The following CDKN2B-AS1 variants were observed in gnomAD, a reference collection of about 807,000 sequenced individuals.
CDKN2B-AS1 encodes CDKN2B and CDKN2A antisense cis and trans regulatory RNA 1, also known as CDKN2B antisense RNA 1 (non-protein coding).
chr9:22,088,250 G>A (rs919782215), intron 4 of CDKN2B-AS1, among the ~76,000 whole-genome samples: 3 of 152,108 alleles, frequency 2.0e-5, no homozygotes, highest in Non-Finnish European at 4.4e-5. Context: ...ATTATGAAAG[G>A]TCGTAAGAAG....
intron 1 of CDKN2B-AS1, chr9:22,008,779 G>T: frequency 6.2e-7 from 1 of 1,607,682 alleles, no homozygotes; most frequent in Non-Finnish European, 8.5e-7. Context: ...TGCCGGCGAG[G>T]CCCTGGGGCC....
At chr9:22,080,944 A>C (rs748060371) in intron 4 of CDKN2B-AS1, among the ~76,000 whole-genome samples, 6 of 152,200 alleles carry the variant, frequency 3.9e-5, no homozygotes, top group Non-Finnish European at 5.9e-5. Context: ...GAATTAGCCT[A>C]TGCTTCTTAA....
At chr9:22,042,486 A>C (rs1822937521) in intron 1 of CDKN2B-AS1, among the ~76,000 whole-genome samples, 1 of 152,122 alleles carries the variant, frequency 6.6e-6, no homozygotes, top group Non-Finnish European at 1.5e-5. Context: ...TATGCATTGC[A>C]ACAGATAAAA....
rs925292269 is a variant in CDKN2B-AS1, at chr9:22,000,819, C to G, written n.29+5658C>G. On this transcript the variant is annotated intron_variant and non_coding_transcript_variant, in intron 1 of 4. Transcript: ENST00000650946. The surrounding 1 kb of genome is among the most constrained non-coding windows in gnomAD (Gnocchi z 4.1). ...AAAAAATGCAAGTATCTTATTTATACTAAGAGAAGAGAGAAACCCGAAGAA... is the reference window on the plus strand; with the variant it reads ...AAAAAATGCAAGTATCTTATTTATAGTAAGAGAAGAGAGAAACCCGAAGAA... 4.6e-5 allele frequency among the ~76,000 whole-genome samples: 7 copies of G among 152,134 alleles called. No homozygotes were observed. The highest frequency in any genetic ancestry group is 1.0e-4 in the Non-Finnish European group (7 of 68,018).
chr9:22,038,949 A>G (rs1048070754), intron 1 of CDKN2B-AS1, among the ~76,000 whole-genome samples: 1 of 152,052 alleles, frequency 6.6e-6, no homozygotes, highest in African/African-American at 2.4e-5. Flanking sequence ...TTGGAGTGGA[A>G]CTTACTCTGG....
Position 21,999,905 on chromosome 9 carries a change from T to A in CDKN2B-AS1, n.29+4744T>A, listed in dbSNP as rs905725971. 2.6e-5 allele frequency among the ~76,000 whole-genome samples: 4 copies of A among 152,206 alleles called. No homozygotes were observed. The highest frequency in any genetic ancestry group is 9.6e-5 in the African/African-American group (4 of 41,462). Reference sequence around the variant, plus strand: ...CCCATTCATGTTTTCCAAATATGCATGCTGGGGGAGAGATGTTTGCAATTA... The same window carrying A: ...CCCATTCATGTTTTCCAAATATGCAAGCTGGGGGAGAGATGTTTGCAATTA... On this transcript the variant is annotated intron_variant and non_coding_transcript_variant, in intron 1 of 4. Coordinates refer to ENST00000650946, the Ensembl canonical transcript of CDKN2B-AS1. This position sits in a 1 kb window ranked among gnomAD's most constrained non-coding sequence, Gnocchi z 4.7.
intron 4 of CDKN2B-AS1, among the ~76,000 whole-genome samples, chr9:22,097,045 A>T (rs990928427): frequency 3.3e-5 from 5 of 152,214 alleles, no homozygotes; most frequent in Non-Finnish European, 5.9e-5. Flanking sequence ...GGTCAGATGC[A>T]GACCTGTCTT....
intron 4 of CDKN2B-AS1, among the ~76,000 whole-genome samples, chr9:22,123,094 T>G (rs2131378338): frequency 6.6e-6 from 1 of 152,308 alleles, no homozygotes; most frequent in African/African-American, 2.4e-5. Flanking sequence ...TATTCCTTGG[T>G]ATTTTATTGT....
At chr9:22,024,212 C>A (rs117099389) in intron 1 of CDKN2B-AS1, among the ~76,000 whole-genome samples, 2 of 152,208 alleles carry the variant, frequency 1.3e-5, no homozygotes, top group South Asian at 4.1e-4. Flanking sequence ...AGGGGGCCAT[C>A]GTTCACCTCC....
At chr9:22,051,289 T>C (rs1286141184) in intron 3 of CDKN2B-AS1, among the ~76,000 whole-genome samples, 2 of 152,182 alleles carry the variant, frequency 1.3e-5, no homozygotes, top group Non-Finnish European at 2.9e-5. Context: ...CGAGTAGCAC[T>C]TTTCCAACTA....
At chr9:22,120,150 A>G (rs1826061101) in intron 4 of CDKN2B-AS1, 1 of 152,236 alleles carries the variant, frequency 6.6e-6, no homozygotes, top group South Asian at 2.1e-4. Flanking sequence ...CAGTTGTTTC[A>G]TAAATATGAT....
chr9:22,104,881 A>G (rs915413047), intron 4 of CDKN2B-AS1, among the ~76,000 whole-genome samples: 1 of 152,242 alleles, frequency 6.6e-6, no homozygotes. Context: ...ACCACTGAAT[A>G]TTAAATACCA....
At chr9:22,004,406 G>A (rs1372734993) in intron 1 of CDKN2B-AS1, 1 of 231,990 alleles carries the variant, frequency 4.3e-6, no homozygotes, top group East Asian at 6.1e-5. Flanking sequence ...AATTTTCTAT[G>A]GCATAAGTAA....
chr9:22,016,937 TC>T (rs759926399), intron 1 of CDKN2B-AS1, among the ~76,000 whole-genome samples: 5 of 152,252 alleles, frequency 3.3e-5, no homozygotes, highest in Non-Finnish European at 7.3e-5. Flanking sequence ...TCAAGCTCTA[TC>T]TTTGGCCAGT....
chr9:22,053,136 G>T (rs779344066), intron 3 of CDKN2B-AS1, among the ~76,000 whole-genome samples: 1 of 152,212 alleles, frequency 6.6e-6, no homozygotes, highest in Non-Finnish European at 1.5e-5. Flanking sequence ...ATCTGAAAGT[G>T]CAGGAAGTAG....
chr9:22,120,991 T>C (rs1300216123), intron 4 of CDKN2B-AS1: 1 of 152,128 alleles, frequency 6.6e-6, no homozygotes, highest in Non-Finnish European at 1.5e-5. Flanking sequence ...CCGCTGGTAA[T>C]TGGCTGGGAT....
intron 4 of CDKN2B-AS1, chr9:22,097,190 T>C (rs898809718): frequency 2.0e-5 from 3 of 152,264 alleles, no homozygotes; most frequent in Non-Finnish European, 4.4e-5. Flanking sequence ...CAGCATGAGA[T>C]GGTGAACTTG....
At chr9:22,008,699 C>T (rs754444716) in intron 1 of CDKN2B-AS1, 1 of 1,611,252 alleles carries the variant, frequency 6.2e-7, no homozygotes. Context: ...GACTCCTGTA[C>T]AAATCTACAT....
chr9:21,995,998 C>T lies in CDKN2B-AS1; in HGVS notation n.29+837C>T, dbSNP rs1177704647. 2 of 152,604 alleles carry T rather than the reference C, an allele frequency of 1.3e-5. No homozygotes were observed. The highest frequency in any genetic ancestry group is 2.9e-5 in the Non-Finnish European group (2 of 68,334). 9.5% of individuals were successfully genotyped at this position (152,604 alleles called of 1,614,324 possible). On this transcript the variant is annotated intron_variant and non_coding_transcript_variant, in intron 1 of 4. Transcript: ENST00000650946. The surrounding 1 kb of genome is among the most constrained non-coding windows in gnomAD (Gnocchi z 5.7). ...AATGTGGCCCGCTTCTCAGTGGCTT[C>T]CTGTTCATGCGCTTGGGCCTAGTGG... is the stretch of plus-strand genomic sequence containing the variant.
Sources: gnomAD v4.1 joint callset for allele counts (sites outside exome capture counted in the v4.1 genomes callset) on GRCh38, gnomAD v4.1.1 for gene constraint, Gnocchi (gnomAD v3.1) non-coding constraint, MANE v1.5 for transcripts, NCBI Gene and HGNC (gene_info 2026-07-23, HGNC 2026-07-21) for gene names.